The following EXT1 variants were observed in gnomAD, a reference collection of about 807,000 sequenced individuals.
EXT1 encodes the protein exostosin-1.
In EXT1, 20 loss-of-function variants were observed where a neutral mutation model predicts 82.5. The observed-to-expected ratio is 0.24, with a 90% CI of 0.17 to 0.35. EXT1 has a LOEUF of 0.35. EXT1 is among the 10% of genes least tolerant of loss of function. EXT1 has a pLI of 1.00. For missense variants in EXT1, 757 were observed against 936.5 expected, an observed-to-expected ratio of 0.81 and a Z score of 2.50; for synonymous variants, 348 against 350.8, an observed-to-expected ratio of 0.99 and a Z score of 0.09.
intron 1 of EXT1, among the ~76,000 whole-genome samples, chr8:117,936,904 A>G (rs1303103864): frequency 6.8e-6 from 1 of 147,668 alleles, no homozygotes. Context: ...AAACAAACAA[A>G]TAAATAAATA....
At chr8:117,835,956 A>C (rs1381080568) in intron 2 of EXT1, among the ~76,000 whole-genome samples, 1 of 152,206 alleles carries the variant, frequency 6.6e-6, no homozygotes, top group Non-Finnish European at 1.5e-5. Context: ...TCCACGTGCA[A>C]AGTGGTTTAC....
intron 1 of EXT1, among the ~76,000 whole-genome samples, chr8:117,929,818 G>A (rs113798911): frequency 1.4e-4 from 22 of 152,300 alleles, no homozygotes; most frequent in Non-Finnish European, 2.8e-4. Flanking sequence ...ATAGAAAAGT[G>A]TAAGAGCAGC....
Position 117,984,550 on chromosome 8 carries a change from G to T in EXT1, c.962+125535C>A, listed in dbSNP as rs554050686. Among the ~76,000 whole-genome samples, 8 of 152,310 alleles carry T rather than the reference G, an allele frequency of 5.3e-5. No homozygotes were observed. The East Asian group carries it at 1.5e-3, about 29-fold the overall frequency. The stretch of plus-strand genomic sequence containing the variant: ...GCAAAAGGGGAAGATACCTTGGGAA[G>T]AGTGGTCCAGACAAAAGCCCTGAGG... On this transcript the variant is annotated intron_variant, in intron 1 of 10. Coordinates refer to ENST00000378204, the MANE Select transcript of EXT1 (RefSeq NM_000127.3).
chr8:117,809,209 G>GTATAAATATATATATA (rs1471755255), intron 8 of EXT1, among the ~76,000 whole-genome samples: 1,490 of 84,712 alleles, frequency 0.018, 16 homozygotes, highest in Non-Finnish European at 0.024. Flanking sequence ...ATATGTGTGT[G>GTATAAATATATATATA]TGTGTATAAA....
chr8:117,853,018 G>C (rs1483988929), intron 1 of EXT1, among the ~76,000 whole-genome samples: 3 of 152,142 alleles, frequency 2.0e-5, no homozygotes, highest in Non-Finnish European at 4.4e-5. Context: ...TGAAACCTAA[G>C]CGCTAAGTGT....
chr8:117,926,269 C>A (rs1437953037), intron 1 of EXT1, among the ~76,000 whole-genome samples: 1 of 152,142 alleles, frequency 6.6e-6, no homozygotes, highest in Non-Finnish European at 1.5e-5. Flanking sequence ...CTCTTGTATT[C>A]AAAATATTTT....
intron 1 of EXT1, among the ~76,000 whole-genome samples, chr8:117,988,285 T>C (rs1156245717): frequency 2.0e-5 from 3 of 152,164 alleles, no homozygotes; most frequent in Non-Finnish European, 4.4e-5. Flanking sequence ...ATATTACTTG[T>C]TATTATTACT....
At chr8:117,997,961 G>A (rs1191194080) in intron 1 of EXT1, among the ~76,000 whole-genome samples, 2 of 151,724 alleles carry the variant, frequency 1.3e-5, no homozygotes, top group Non-Finnish European at 2.9e-5. Context: ...TCTTCTTTGA[G>A]AGAGGAAACC....
chr8:117,999,324 T>C (rs1815610310), intron 1 of EXT1, among the ~76,000 whole-genome samples: 1 of 152,200 alleles, frequency 6.6e-6, no homozygotes, highest in Non-Finnish European at 1.5e-5. Context: ...ACTTAACTCC[T>C]ACACTCCAAT....
chr8:117,848,058 ACT>A (rs1173199714), intron 1 of EXT1, among the ~76,000 whole-genome samples: 1 of 152,078 alleles, frequency 6.6e-6, no homozygotes, highest in Non-Finnish European at 1.5e-5. Context: ...AGACCTCAGA[ACT>A]CTGTGTAGGC....
chr8:117,991,142 T>C (rs904922865), intron 1 of EXT1, among the ~76,000 whole-genome samples: 4 of 151,940 alleles, frequency 2.6e-5, no homozygotes, highest in African/African-American at 9.7e-5. Context: ...ACCCTCGCTC[T>C]GTCACCCAGA....
chr8:118,108,815 C>T (rs535206719), intron 1 of EXT1, among the ~76,000 whole-genome samples: 1 of 152,246 alleles, frequency 6.6e-6, no homozygotes, highest in Admixed American at 6.5e-5. Flanking sequence ...CCCACCATAC[C>T]CCTTCCTGTT....
At chr8:117,950,109 C>T (rs1419597408) in intron 1 of EXT1, among the ~76,000 whole-genome samples, 1 of 152,098 alleles carries the variant, frequency 6.6e-6, no homozygotes, top group Non-Finnish European at 1.5e-5. Flanking sequence ...GGCATGGTGG[C>T]GTGAGCCTGT....
At chr8:118,017,237 C>A (rs776185354) in intron 1 of EXT1, among the ~76,000 whole-genome samples, 1 of 152,150 alleles carries the variant, frequency 6.6e-6, no homozygotes, top group Non-Finnish European at 1.5e-5. Context: ...TCTCCTTATA[C>A]ATTATCCTCT....
chr8:118,025,143 G>A (rs17476463), intron 1 of EXT1, among the ~76,000 whole-genome samples: 2 of 152,132 alleles, frequency 1.3e-5, no homozygotes, highest in Non-Finnish European at 2.9e-5. Context: ...AGAGTGGGAA[G>A]GGACAGGAGT....
intron 1 of EXT1, among the ~76,000 whole-genome samples, chr8:117,844,655 T>C (rs764380031): frequency 2.0e-5 from 3 of 152,190 alleles, no homozygotes; most frequent in Non-Finnish European, 4.4e-5. Flanking sequence ...CCCTGGTGTC[T>C]TTGAGAATTC....
chr8:118,110,332 T>C lies in EXT1; in HGVS notation c.715A>G (p.Lys239Glu). Residue 239 changes from lysine to glutamate, a missense_variant, in exon 1 of 11, where the codon AAG becomes GAG. Coordinates refer to ENST00000378204, the MANE Select transcript of EXT1 (RefSeq NM_000127.3). The stretch of plus-strand genomic sequence containing the variant: ...TCCCCTCCTGTCCTGGGATGATCCT[T>C]AGAAAAGAGGGGAATAGAAACATCA... ...NFDVSIPLFS[K>E]DHPRTGGERG... 6.2e-7 allele frequency: 1 copy of C among 1,614,148 alleles called. No homozygotes were observed. Among genetic ancestry groups the C allele is most frequent in the Non-Finnish European group, 8.5e-7 (1 of 1,180,030 alleles).
chr8:118,080,738 A>G (rs1817303743), intron 1 of EXT1, among the ~76,000 whole-genome samples: 1 of 152,204 alleles, frequency 6.6e-6, no homozygotes, highest in African/African-American at 2.4e-5. Flanking sequence ...GTATATAGAT[A>G]AAAAGCATAC....
intron 1 of EXT1, among the ~76,000 whole-genome samples, chr8:118,090,795 A>AAAAAAAAAAAAAAC (rs1817509998): frequency 6.8e-6 from 1 of 147,220 alleles, no homozygotes; most frequent in Admixed American, 6.8e-5. Context: ...AAAAAAAAAA[A>AAAAAAAAAAAAAAC]AAAAAAAAAA....
Sources: gnomAD v4.1 joint callset for allele counts (sites outside exome capture counted in the v4.1 genomes callset) on GRCh38, gnomAD v4.1.1 for gene constraint, MANE v1.5 for transcripts, NCBI Gene and HGNC (gene_info 2026-07-23, HGNC 2026-07-21) for gene names.